MBNL3: variants seen among roughly 807,000 people sequenced by gnomAD.
MBNL3 encodes muscleblind-like protein 3.
MBNL3 carries 6 observed loss-of-function variants against 24.5 expected under a neutral mutation model. The ratio of observed to expected loss-of-function variants is 0.25; its 90% confidence interval spans 0.13 to 0.48. MBNL3 has a LOEUF of 0.48. Among genes scored for constraint, MBNL3 ranks in the 20% least tolerant of loss-of-function variants. The pLI is 0.99. For synonymous variants in MBNL3, 100 were observed against 101.7 expected, an observed-to-expected ratio of 0.98 and a Z score of 0.10; for missense variants, 230 against 293.5, an observed-to-expected ratio of 0.78 and a Z score of 1.58.
chrX:132,417,051 C>G (rs1245458787), intron 2 of MBNL3, among the ~76,000 whole-genome samples: 2 of 111,768 alleles, frequency 1.8e-5, no homozygotes, highest in Non-Finnish European at 3.8e-5. Flanking sequence ...GATATGCGAA[C>G]ACAATTGACA....
At chrX:132,452,729 C>T (rs1385950816) in intron 1 of MBNL3, among the ~76,000 whole-genome samples, 1 of 112,946 alleles carries the variant, frequency 8.9e-6, no homozygotes, top group Non-Finnish European at 1.9e-5. Flanking sequence ...ATACCAACTA[C>T]CTGCACAGAT....
rs370304526 is a variant in MBNL3 at position 132,396,752 on chromosome X, T to A, written c.343-4418A>T. The stretch of plus-strand genomic sequence containing the variant: ...TATATATATTCATATATATATATAT[T>A]CATATATATATTCATATATACATAT... On this transcript the variant is annotated intron_variant, in intron 3 of 8. Coordinates refer to ENST00000370853, the MANE Select transcript of MBNL3 (RefSeq NM_001386889.1). Among the ~76,000 whole-genome samples, 11 of 11,017 alleles carry A rather than the reference T, an allele frequency of 1.0e-3. 1 individual carries two copies. Among genetic ancestry groups the A allele is most frequent in the East Asian group, 7.1e-3 (1 of 140 alleles). The allele number at this position is 11,017 out of a possible 115,157, so 9.6% of individuals were successfully genotyped here.
chrX:132,437,456 A>G (rs764004661), intron 2 of MBNL3, among the ~76,000 whole-genome samples: 2 of 112,233 alleles, frequency 1.8e-5, no homozygotes, highest in South Asian at 7.4e-4. Context: ...ATTCACTTTT[A>G]TATTGATATA....
chrX:132,489,152 C>G (rs1009437212), upstream of MBNL3: 2 of 114,020 alleles, frequency 1.8e-5, no homozygotes, highest in African/African-American at 6.4e-5. Context: ...TATAAAATGT[C>G]AAGTCTACAG....
chrX:132,446,227 G>A, intron 1 of MBNL3, among the ~76,000 whole-genome samples: 1 of 111,900 alleles, frequency 8.9e-6, no homozygotes, highest in Non-Finnish European at 1.9e-5. Context: ...CCAAGTCTTT[G>A]CTATTGTGAA....
intron 1 of MBNL3, among the ~76,000 whole-genome samples, chrX:132,464,154 T>G (rs892638127): frequency 8.9e-6 from 1 of 112,644 alleles, no homozygotes; most frequent in African/African-American, 3.2e-5. Context: ...AGAAACCATT[T>G]CAAAATACAA....
At chrX:132,426,026 A>G (rs1489682482) in intron 2 of MBNL3, among the ~76,000 whole-genome samples, 1 of 111,888 alleles carries the variant, frequency 8.9e-6, no homozygotes, top group Non-Finnish European at 1.9e-5. Flanking sequence ...ATTTTCATCT[A>G]TATTTGAGTA....
At chrX:132,410,519 A>G (rs1040828031) in intron 2 of MBNL3, among the ~76,000 whole-genome samples, 2 of 112,193 alleles carry the variant, frequency 1.8e-5, no homozygotes, top group Admixed American at 1.9e-4. Flanking sequence ...TGTTCTCTCA[A>G]ATACAATTAT....
chrX:132,414,218 C>T (rs779157189), intron 2 of MBNL3, among the ~76,000 whole-genome samples: 5 of 112,440 alleles, frequency 4.4e-5, no homozygotes, highest in Admixed American at 3.7e-4. Context: ...AATAGCCTCA[C>T]ATTACAATTG....
intron 8 of MBNL3, among the ~76,000 whole-genome samples, chrX:132,380,716 T>G (rs73556159): frequency 0.056 from 6,169 of 110,744 alleles, 445 homozygotes; most frequent in African/African-American, 0.19. Flanking sequence ...TCCCTAGAAT[T>G]AATTAAAATA....
intron 1 of MBNL3, among the ~76,000 whole-genome samples, chrX:132,473,079 T>C (rs1014099470): frequency 8.9e-6 from 1 of 111,905 alleles, no homozygotes; most frequent in Non-Finnish European, 1.9e-5. Flanking sequence ...ACAATAGCCT[T>C]AATTTAAACC....
intron 2 of MBNL3, among the ~76,000 whole-genome samples, chrX:132,427,093 C>G (rs1363443086): frequency 8.9e-6 from 1 of 111,735 alleles, no homozygotes; most frequent in East Asian, 2.8e-4. Flanking sequence ...CTTGTTAGAA[C>G]TGTTATGTGT....
At chrX:132,460,094 A>G (rs995157501) in intron 1 of MBNL3, among the ~76,000 whole-genome samples, 1 of 111,653 alleles carries the variant, frequency 9.0e-6, no homozygotes, top group African/African-American at 3.3e-5. Flanking sequence ...CTTAGAGACT[A>G]TAGTAAAACT....
intron 4 of MBNL3, among the ~76,000 whole-genome samples, chrX:132,391,794 T>A (rs1937213336): frequency 8.9e-6 from 1 of 111,941 alleles, no homozygotes; most frequent in Non-Finnish European, 1.9e-5. Context: ...TTATATTGTC[T>A]ACTTTTTTCC....
chrX:132,426,191 A>C (rs1289899998), intron 2 of MBNL3, among the ~76,000 whole-genome samples: 1 of 112,303 alleles, frequency 8.9e-6, no homozygotes, highest in African/African-American at 3.2e-5. Flanking sequence ...TGTACTAGGC[A>C]CAAAAGATAT....
chrX:132,478,960 A>G (rs1340511816), intron 1 of MBNL3, among the ~76,000 whole-genome samples: 1 of 112,379 alleles, frequency 8.9e-6, no homozygotes, highest in Non-Finnish European at 1.9e-5. Context: ...ACAAAATAAT[A>G]ATGTCCGGGC....
intron 8 of MBNL3, among the ~76,000 whole-genome samples, 195 bp downstream of exon 8, chrX:132,381,983 A>T (rs924614395): frequency 6.2e-5 from 7 of 112,195 alleles, no homozygotes; most frequent in African/African-American, 1.3e-4. Flanking sequence ...AAAATGAGCA[A>T]AACTCCTCTG....
In MBNL3 at chrX:132,370,081, A is replaced by G. The variant is rs1302824886; in HGVS notation, c.*9585T>C. ...TTGGAGCTCTTGGCTTTTATTCCCC[A>G]GACACCCACTGTCCTCCTGCCTAAG... On this transcript the variant is annotated 3_prime_UTR_variant, in exon 9 of 9. Coordinates refer to ENST00000370853, the MANE Select transcript of MBNL3 (RefSeq NM_001386889.1). The G allele has an allele frequency of 8.9e-6, 1 of 111,858 alleles. No individual in the cohort carries two copies. 9.2% of individuals were successfully genotyped at this position (111,858 alleles called of 1,213,427 possible).
intron 1 of MBNL3, among the ~76,000 whole-genome samples, chrX:132,447,919 T>C (rs1399837814): frequency 8.9e-6 from 1 of 112,148 alleles, no homozygotes; most frequent in Non-Finnish European, 1.9e-5. Context: ...TTTTGAGATA[T>C]GTTCCATGAA....
Sources: gnomAD v4.1 joint callset for allele counts (sites outside exome capture counted in the v4.1 genomes callset) on GRCh38, gnomAD v4.1.1 for gene constraint, MANE v1.5 for transcripts, NCBI Gene and HGNC (gene_info 2026-07-23, HGNC 2026-07-21) for gene names.